PARD3B: variants seen among roughly 807,000 people sequenced by gnomAD.
PARD3B encodes the protein partitioning defective 3 homolog B.
PARD3B carries 103 observed loss-of-function variants against 130.2 expected under a neutral mutation model. The observed-to-expected ratio is 0.79, with a 90% confidence interval of 0.67 to 0.93. PARD3B has a LOEUF of 0.93. Among genes scored for constraint, PARD3B ranks in the 40% least tolerant of loss-of-function variants. The pLI, the probability that PARD3B is intolerant of heterozygous loss-of-function variation, is 0.00. For missense variants in PARD3B, 1,609 were observed against 1,499.2 expected, an observed-to-expected ratio of 1.07 and a Z score of -1.21; for synonymous variants, 583 against 553.2, an observed-to-expected ratio of 1.05 and a Z score of -0.76.
At chr2:204,586,638 A>T (rs552438741) in intron 1 of PARD3B, among the ~76,000 whole-genome samples, 2 of 151,910 alleles carry the variant, frequency 1.3e-5, no homozygotes, top group East Asian at 3.9e-4. Context: ...CAGAAAGAAC[A>T]TGTAGGTCTC....
chr2:205,360,314 T>A (rs952594542), intron 18 of PARD3B, among the ~76,000 whole-genome samples: 23 of 152,148 alleles, frequency 1.5e-4, no homozygotes, highest in African/African-American at 5.5e-4. Context: ...GATTTTTCAG[T>A]GGTGTACCTC....
chr2:205,448,019 A>C (rs536001036), intron 20 of PARD3B, among the ~76,000 whole-genome samples: 1 of 152,308 alleles, frequency 6.6e-6, no homozygotes, highest in African/African-American at 2.4e-5. Flanking sequence ...TGAACTCTAA[A>C]CATATGGCCA....
At chr2:205,213,303 A>G (rs1292310057) in intron 15 of PARD3B, among the ~76,000 whole-genome samples, 1 of 152,150 alleles carries the variant, frequency 6.6e-6, no homozygotes, top group Non-Finnish European at 1.5e-5. Context: ...AAATTGAGAT[A>G]CTATATCTTA....
At chr2:204,972,629 A>T (rs550260448) in intron 3 of PARD3B, among the ~76,000 whole-genome samples, 14 of 152,332 alleles carry the variant, frequency 9.2e-5, no homozygotes, top group African/African-American at 3.4e-4. Flanking sequence ...GTAACCATTT[A>T]ACCAAAAATA....
rs2048786563 is a variant in PARD3B, at chr2:205,470,461, G to A, written c.3045-29435G>A. On this transcript the variant is annotated intron_variant, in intron 20 of 22. Coordinates refer to ENST00000406610, the MANE Select transcript of PARD3B (RefSeq NM_001302769.2). This position sits in a 1 kb window ranked among gnomAD's most constrained non-coding sequence, Gnocchi z 4.8. ...ACTCCCTCTGCTCACCCCTGCAGGA[G>A]TATTTAAGCTTAACCCCAGATTTCA... is the stretch of plus-strand genomic sequence containing the variant. Among the ~76,000 whole-genome samples, 1 of 152,166 alleles carries A rather than the reference G, an allele frequency of 6.6e-6. No homozygotes were observed. Among genetic ancestry groups the A allele is most frequent in the Non-Finnish European group, 1.5e-5 (1 of 68,038 alleles).
Position 205,054,404 on chromosome 2 carries a change from T to TATATATATATA in PARD3B, c.504+6714_504+6715insATATATATATA, listed in dbSNP as rs1699451825. Among the ~76,000 whole-genome samples the TATATATATATA allele has an allele frequency of 1.0e-3, 35 of 33,804 alleles. 2 individuals carry two copies. The highest frequency in any genetic ancestry group is 1.8e-3 in the Admixed American group (4 of 2,236). 22.2% of individuals were successfully genotyped at this position (33,804 alleles called of 152,430 possible). A position where few individuals can be genotyped will look rare whatever the true frequency, so the allele number is the denominator to read the frequency against. On this transcript the variant is annotated intron_variant, in intron 4 of 22. Transcript: ENST00000406610. ...TAACAAGGTAACCATGACATGTCTT[T>TATATATATATA]TATATATATATATATATATATATAT...
intron 1 of PARD3B, among the ~76,000 whole-genome samples, chr2:204,550,788 G>C (rs150917142): frequency 8.8e-4 from 134 of 152,326 alleles, no homozygotes; most frequent in South Asian, 1.9e-3. Context: ...TGTGGGATCG[G>C]AATCTAAGAG....
chr2:204,811,681 G>A (rs1166852176), intron 2 of PARD3B, among the ~76,000 whole-genome samples: 3 of 152,112 alleles, frequency 2.0e-5, no homozygotes, highest in Non-Finnish European at 4.4e-5. Flanking sequence ...AGCTAAAGCA[G>A]CTCTCTTTAT....
intron 2 of PARD3B, among the ~76,000 whole-genome samples, chr2:204,885,789 C>A (rs1420235271): frequency 6.6e-6 from 1 of 152,036 alleles, no homozygotes; most frequent in Non-Finnish European, 1.5e-5. Context: ...ATGGTGATAA[C>A]CCTGAATATT....
chr2:204,816,401 G>T (rs756140090), intron 2 of PARD3B, among the ~76,000 whole-genome samples: 13 of 151,862 alleles, frequency 8.6e-5, no homozygotes, highest in Non-Finnish European at 1.6e-4. Flanking sequence ...TCTGCCTGAA[G>T]AACTTTAACA....
intron 2 of PARD3B, among the ~76,000 whole-genome samples, chr2:204,694,544 A>T (rs546693625): frequency 6.6e-6 from 1 of 152,140 alleles, no homozygotes; most frequent in Admixed American, 6.6e-5. Flanking sequence ...AGAATTGAAG[A>T]TTTCTAATTG....
intron 10 of PARD3B, among the ~76,000 whole-genome samples, chr2:205,150,255 A>G (rs10180371): frequency 0.63 from 89,986 of 141,946 alleles, 27,932 homozygotes; most frequent in African/African-American, 0.7. Context: ...GTGTGTGTGC[A>G]CACACGCTTG....
Position 205,591,780 on chromosome 2 carries a change from G to T in PARD3B, c.3261-23676G>T, listed in dbSNP as rs2054394211. 6.6e-6 allele frequency among the ~76,000 whole-genome samples: 1 copy of T among 152,176 alleles called. No individual in the cohort carries two copies. The highest frequency in any genetic ancestry group is 1.5e-5 in the Non-Finnish European group (1 of 68,040). ...ATGAGATAAAAAGAGAAGGTCTGGT[G>T]GTTCAGGTCACTGAAGAAAAGGAAG... On this transcript the variant is annotated intron_variant, in intron 22 of 22. Coordinates refer to ENST00000406610, the MANE Select transcript of PARD3B (RefSeq NM_001302769.2). This position sits in a 1 kb window ranked among gnomAD's most constrained non-coding sequence, Gnocchi z 4.2.
At chr2:204,658,470 T>C (rs988460984) in intron 1 of PARD3B, among the ~76,000 whole-genome samples, 4 of 152,180 alleles carry the variant, frequency 2.6e-5, no homozygotes, top group African/African-American at 9.6e-5. Context: ...CTAAAGATCC[T>C]AGGAAAGATT....
Position 204,943,080 on chromosome 2 carries a change from C to T in PARD3B, c.223-22072C>T, listed in dbSNP as rs371758776. Among the ~76,000 whole-genome samples, 39 of 151,990 alleles carry T rather than the reference C, an allele frequency of 2.6e-4. No homozygotes were observed. The East Asian group carries it at 4.4e-3, about 17-fold the overall frequency. On this transcript the variant is annotated intron_variant, in intron 2 of 22. Coordinates refer to ENST00000406610, the MANE Select transcript of PARD3B (RefSeq NM_001302769.2). This position sits in a 1 kb window ranked among gnomAD's most constrained non-coding sequence, Gnocchi z 4.2. ...ACTTTGTGTAAAAAGACAAGAAAGA[C>T]TTTGTGTAAATACACCTCTTTTTAA... is the stretch of plus-strand genomic sequence containing the variant.
At chr2:204,771,237 T>G (rs543969056) in intron 2 of PARD3B, among the ~76,000 whole-genome samples, 1 of 152,144 alleles carries the variant, frequency 6.6e-6, no homozygotes, top group African/African-American at 2.4e-5. Flanking sequence ...TTGTCTTGAG[T>G]TCCTCAGTTG....
At chr2:205,582,302 C>T (rs539018712) in intron 22 of PARD3B, among the ~76,000 whole-genome samples, 32 of 152,222 alleles carry the variant, frequency 2.1e-4, no homozygotes, top group African/African-American at 5.8e-4. Context: ...CTTGCCTTTA[C>T]GTACTAGAGT....
rs16836720 is a variant in PARD3B, at chr2:204,890,961, C to A, written c.223-74191C>A. On this transcript the variant is annotated intron_variant, in intron 2 of 22. Transcript: ENST00000406610. The surrounding 1 kb of genome is among the most constrained non-coding windows in gnomAD (Gnocchi z 4.9). ...CATCCACTGCCTCCATGAGGATATT[C>A]TAGGAATCTGTATCTAATTACCTGT... Among the ~76,000 whole-genome samples the A allele has an allele frequency of 6.6e-6, 1 of 152,070 alleles. No homozygotes were observed. The highest frequency in any genetic ancestry group is 2.1e-4 in the South Asian group (1 of 4,824).
chr2:204,826,194 C>G (rs752606201), intron 2 of PARD3B, among the ~76,000 whole-genome samples: 2 of 152,166 alleles, frequency 1.3e-5, no homozygotes, highest in Non-Finnish European at 2.9e-5. Flanking sequence ...GGAGCTGACC[C>G]TTATCTCTTA....
Sources: gnomAD v4.1 joint callset for allele counts (sites outside exome capture counted in the v4.1 genomes callset) on GRCh38, gnomAD v4.1.1 for gene constraint, Gnocchi (gnomAD v3.1) non-coding constraint, MANE v1.5 for transcripts, NCBI Gene and HGNC (gene_info 2026-07-23, HGNC 2026-07-21) for gene names.